The following ZNF804B variants were observed in gnomAD, a reference collection of about 807,000 sequenced individuals.
The protein encoded by ZNF804B is zinc finger protein 804B, also known as zinc finger 804B.
In ZNF804B, 80 loss-of-function variants were observed where a neutral mutation model predicts 101.4. The ratio of observed to expected loss-of-function variants is 0.79; its 90% CI spans 0.66 to 0.95. The LOEUF (loss-of-function observed/expected upper bound fraction) is 0.95. ZNF804B is among the 40% of genes least tolerant of loss of function. The pLI, the probability that ZNF804B is intolerant of heterozygous loss-of-function variation, is 0.00. For missense variants in ZNF804B, 1,673 were observed against 1,561.9 expected (o/e 1.07, Z -1.20); for synonymous variants, 622 against 558.8 (o/e 1.11, Z -1.59).
At chr7:89,244,709 C>G (rs1208824) in intron 2 of ZNF804B, among the ~76,000 whole-genome samples, 36,228 of 151,728 alleles carry the variant, frequency 0.24, 4,557 homozygotes, top group Non-Finnish European at 0.27. Flanking sequence ...GAAGATAAAC[C>G]CCGGACATAA....
rs781656944 is a variant in ZNF804B at position 89,336,195 on chromosome 7, T to C, written c.3213T>C (p.Asn1071=). 1 of 1,613,878 alleles carries C rather than the reference T, an allele frequency of 6.2e-7. No homozygotes were observed. Among genetic ancestry groups the C allele is most frequent in the Non-Finnish European group, 8.5e-7 (1 of 1,179,978 alleles). ...PFIQSCDPVP[N]EFPGAFPSNK... is the part of the protein sequence containing the mutation. The stretch of plus-strand genomic sequence containing the variant: ...TTCAAAGCTGTGACCCAGTACCAAA[T>C]GAATTCCCTGGTGCTTTTCCGTCTA... Residue 1071 remains asparagine, a synonymous_variant, in exon 4 of 4, where the codon AAT becomes AAC. Coordinates refer to ENST00000333190, the MANE Select transcript of ZNF804B (RefSeq NM_181646.5).
chr7:88,811,221 G>A (rs1562800340), intron 1 of ZNF804B, among the ~76,000 whole-genome samples: 1 of 152,166 alleles, frequency 6.6e-6, no homozygotes, highest in Non-Finnish European at 1.5e-5. Context: ...AATACCAACT[G>A]TATGGCTGTT....
At chr7:89,066,467 G>C (rs1789456538) in intron 1 of ZNF804B, among the ~76,000 whole-genome samples, 1 of 152,078 alleles carries the variant, frequency 6.6e-6, no homozygotes, top group Admixed American at 6.6e-5. Flanking sequence ...CAAGTCTGTA[G>C]AAAATGATGG....
chr7:89,275,277 C>T (rs1322513291), intron 2 of ZNF804B, among the ~76,000 whole-genome samples: 1 of 151,920 alleles, frequency 6.6e-6, no homozygotes, highest in Non-Finnish European at 1.5e-5. Flanking sequence ...TAGCAATTTC[C>T]AATCACCTTG....
intron 1 of ZNF804B, among the ~76,000 whole-genome samples, chr7:89,019,611 A>G (rs1214284707): frequency 2.0e-5 from 3 of 151,984 alleles, no homozygotes; most frequent in African/African-American, 2.4e-5. Flanking sequence ...TTGTGGCACA[A>G]CCATCTCTTT....
At chr7:88,865,775 G>T (rs556402050) in intron 1 of ZNF804B, among the ~76,000 whole-genome samples, 2 of 152,018 alleles carry the variant, frequency 1.3e-5, no homozygotes, top group Non-Finnish European at 2.9e-5. Flanking sequence ...TGTCATCTGC[G>T]CCTAGAGTGA....
chr7:88,952,853 C>T (rs1793245864), intron 1 of ZNF804B, among the ~76,000 whole-genome samples: 1 of 151,768 alleles, frequency 6.6e-6, no homozygotes, highest in African/African-American at 2.4e-5. Context: ...TGGGCTGAGT[C>T]CACCTCACAC....
chr7:89,314,930 C>A (rs1293748162), intron 2 of ZNF804B, among the ~76,000 whole-genome samples: 5 of 152,154 alleles, frequency 3.3e-5, no homozygotes, highest in African/African-American at 4.8e-5. Flanking sequence ...TCACCAAGTT[C>A]CTACTGGTGA....
chr7:88,867,335 C>G (rs986763494), intron 1 of ZNF804B, among the ~76,000 whole-genome samples: 2 of 152,306 alleles, frequency 1.3e-5, no homozygotes, highest in Middle Eastern at 6.8e-3. Flanking sequence ...GCCTTAGAAA[C>G]AGGGAAGCCT....
intron 1 of ZNF804B, among the ~76,000 whole-genome samples, chr7:89,016,740 G>A (rs1410880803): frequency 4.6e-5 from 7 of 152,114 alleles, no homozygotes; most frequent in Non-Finnish European, 8.8e-5. Context: ...GGTTACTGTA[G>A]CCTTGTAGTA....
intron 1 of ZNF804B, among the ~76,000 whole-genome samples, chr7:89,021,285 T>C (rs1177539585): frequency 1.3e-5 from 2 of 152,198 alleles, no homozygotes; most frequent in Non-Finnish European, 2.9e-5. Context: ...ATGGTGGCAA[T>C]GCTGTGGCTT....
chr7:89,103,658 A>G (rs954097052), intron 1 of ZNF804B, among the ~76,000 whole-genome samples: 2 of 151,904 alleles, frequency 1.3e-5, no homozygotes, highest in Non-Finnish European at 2.9e-5. Context: ...TTCTAGGTAT[A>G]TAATTATGTT....
intron 1 of ZNF804B, among the ~76,000 whole-genome samples, chr7:89,209,171 A>G (rs1788765191): frequency 6.6e-6 from 1 of 152,204 alleles, no homozygotes; most frequent in Admixed American, 6.5e-5. Flanking sequence ...CCTGTAAGTC[A>G]GAAATTTGTC....
At chr7:89,163,118 GTAAAGA>G (rs1320045466) in intron 1 of ZNF804B, among the ~76,000 whole-genome samples, 4 of 151,986 alleles carry the variant, frequency 2.6e-5, no homozygotes, top group African/African-American at 9.6e-5. Flanking sequence ...AATCAAAATG[GTAAAGA>G]TAAAGCCAAG....
chr7:89,250,245 C>G (rs1405683835), intron 2 of ZNF804B, among the ~76,000 whole-genome samples: 1 of 151,682 alleles, frequency 6.6e-6, no homozygotes, highest in Non-Finnish European at 1.5e-5. Flanking sequence ...TCGGAAATGA[C>G]AAACGTGATG....
At chr7:88,810,985 G>T (rs1218571870) in intron 1 of ZNF804B, among the ~76,000 whole-genome samples, 1 of 151,784 alleles carries the variant, frequency 6.6e-6, no homozygotes, top group African/African-American at 2.4e-5. Context: ...CCCAGGAGTT[G>T]CTTCTTAGTT....
At chr7:89,254,937 C>T (rs1209886033) in intron 2 of ZNF804B, among the ~76,000 whole-genome samples, 5 of 152,116 alleles carry the variant, frequency 3.3e-5, no homozygotes, top group Admixed American at 1.3e-4. Context: ...TGAGCCACCA[C>T]GCTCAGCCAG....
chr7:89,280,167 A>G (rs1584101768), intron 2 of ZNF804B, among the ~76,000 whole-genome samples: 1 of 152,202 alleles, frequency 6.6e-6, no homozygotes, highest in Admixed American at 6.5e-5. Context: ...TACTGGGTAC[A>G]TAACGAAATG....
chr7:89,162,135 G>GA, intron 1 of ZNF804B, among the ~76,000 whole-genome samples: 1 of 152,056 alleles, frequency 6.6e-6, no homozygotes, highest in Non-Finnish European at 1.5e-5. Flanking sequence ...CAGGGGCGGG[G>GA]GGAAGTCTTA....
Sources: allele counts gnomAD v4.1 joint callset (sites outside exome capture counted in the v4.1 genomes callset), GRCh38; gene constraint gnomAD v4.1.1; transcripts MANE v1.5; gene names NCBI Gene and HGNC (gene_info 2026-07-23, HGNC 2026-07-21).